The following PRIM2 variants were observed in gnomAD, a reference collection of about 807,000 sequenced individuals.
PRIM2 encodes DNA primase large subunit.
PRIM2 carries 39 observed loss-of-function variants against 67.3 expected under a neutral mutation model. The ratio of observed to expected loss-of-function variants is 0.58; its 90% CI spans 0.45 to 0.76. The LOEUF (loss-of-function observed/expected upper bound fraction) is 0.76. Ranked by LOEUF, PRIM2 falls within the 30% of genes least tolerant of loss-of-function variation. The pLI, the probability that PRIM2 is intolerant of heterozygous loss-of-function variation, is 0.00. For synonymous variants in PRIM2, 143 were observed against 198.7 expected (o/e 0.72, Z 2.36); for missense variants, 398 against 598.7 (o/e 0.66, Z 3.50).
At position 57,368,401 on chromosome 6, in the gene PRIM2, TAAG is replaced by T. The variant is rs1769439167; in HGVS notation, c.460-11497_460-11495del. Among the ~76,000 whole-genome samples the T allele has an allele frequency of 3.9e-5, 6 of 152,334 alleles. No individual in the cohort carries two copies. The South Asian group carries it at 1.2e-3, about 32-fold the overall frequency. ...ACATACTTACTTAATGACCAGGGTCTAAGAAAGCTCTGTAGATTCAAATAGAAA... is the reference window on the plus strand; with the variant it reads ...ACATACTTACTTAATGACCAGGGTCTAAAGCTCTGTAGATTCAAATAGAAA... On this transcript the variant is annotated intron_variant, in intron 5 of 13. Transcript: ENST00000615550.
the PRIM2 span, among the ~76,000 whole-genome samples, chr6:57,279,281 T>G: frequency 6.6e-6 from 1 of 152,190 alleles, no homozygotes; most frequent in Non-Finnish European, 1.5e-5. Context: ...GCTTTTTTCT[T>G]TTTTTAACTT....
intron 5 of PRIM2, among the ~76,000 whole-genome samples, chr6:57,336,708 A>G (rs531656993): frequency 1.1e-4 from 17 of 152,308 alleles, no homozygotes; most frequent in Non-Finnish European, 1.3e-4. Flanking sequence ...TCCTGAAGGA[A>G]GTGCTAAACA....
At chr6:57,384,587 T>C (rs1025560494) in intron 7 of PRIM2, among the ~76,000 whole-genome samples, 4 of 152,190 alleles carry the variant, frequency 2.6e-5, no homozygotes, top group African/African-American at 9.7e-5. Flanking sequence ...GCAGCTATTG[T>C]GGTTTAAGGG....
intron 7 of PRIM2, among the ~76,000 whole-genome samples, chr6:57,453,931 G>T (rs1440833312): frequency 2.6e-5 from 4 of 152,062 alleles, no homozygotes; most frequent in Non-Finnish European, 4.4e-5. Flanking sequence ...GTTTGTCATA[G>T]ATAGCTCTTA....
intron 5 of PRIM2, among the ~76,000 whole-genome samples, chr6:57,367,785 T>A (rs1246408146): frequency 6.6e-6 from 1 of 152,242 alleles, no homozygotes; most frequent in Non-Finnish European, 1.5e-5. Flanking sequence ...TTGGACTTCT[T>A]ACTTCATGAT....
At chr6:57,541,929 G>A (rs1278103130) in intron 10 of PRIM2, among the ~76,000 whole-genome samples, 4 of 151,390 alleles carry the variant, frequency 2.6e-5, no homozygotes, top group African/African-American at 9.7e-5. Flanking sequence ...AAATGTCTGG[G>A]CATCTCATGG....
At chr6:57,604,058 G>A (rs1228160784) in intron 11 of PRIM2, among the ~76,000 whole-genome samples, 50 of 152,264 alleles carry the variant, frequency 3.3e-4, no homozygotes, top group African/African-American at 1.1e-3. Context: ...TGTAATCCCA[G>A]CACTTTGGGA....
chr6:57,616,576 T>C (rs1776761397), intron 12 of PRIM2, among the ~76,000 whole-genome samples: 1 of 152,160 alleles, frequency 6.6e-6, no homozygotes, highest in South Asian at 2.1e-4. Context: ...AAATGTGAAA[T>C]AAAGATGAGA....
At chr6:57,286,506 GA>G in the PRIM2 span, among the ~76,000 whole-genome samples, 1 of 152,152 alleles carries the variant, frequency 6.6e-6, no homozygotes, top group South Asian at 2.1e-4. Flanking sequence ...AAACAATGGG[GA>G]AAAGATTCCC....
rs1185731389 is a variant in PRIM2 at position 57,513,163 on chromosome 6, G to A, written c.761+5709G>A. Among the ~76,000 whole-genome samples, 17 of 151,132 alleles carry A rather than the reference G, an allele frequency of 1.1e-4. 1 individual carries two copies. Among genetic ancestry groups the A allele is most frequent in the Non-Finnish European group, 1.8e-4 (12 of 67,846 alleles). On this transcript the variant is annotated intron_variant, in intron 8 of 13. Transcript: ENST00000615550. ...GCCTGCATCTCATTGTGGCTTTACT[G>A]TCATTATCATGGTTATATATCACTG...
chr6:57,274,943 A>ATTTTTTTTTTTTTTTTT, the PRIM2 span, among the ~76,000 whole-genome samples: 5 of 137,388 alleles, frequency 3.6e-5, no homozygotes, highest in African/African-American at 1.4e-4. Flanking sequence ...CACCTGGCTA[A>ATTTTTTTTTTTTTTTTT]TTTTTTTTTT....
the PRIM2 span, among the ~76,000 whole-genome samples, chr6:57,235,138 G>A: frequency 9.2e-5 from 14 of 151,922 alleles, no homozygotes; most frequent in African/African-American, 2.4e-4. Flanking sequence ...GTGACAGAAT[G>A]AGACCCTTCT....
chr6:57,310,657 C>G (rs1767363429), upstream of PRIM2, among the ~76,000 whole-genome samples: 1 of 151,708 alleles, frequency 6.6e-6, no homozygotes, highest in Non-Finnish European at 1.5e-5. Flanking sequence ...CAGAGGCGCT[C>G]CTCACCTCCC....
chr6:57,637,310 C>CA (rs1295777351), intron 13 of PRIM2, among the ~76,000 whole-genome samples: 1 of 152,078 alleles, frequency 6.6e-6, no homozygotes, highest in Non-Finnish European at 1.5e-5. Flanking sequence ...GAAACCAGCG[C>CA]AAAAAGGCTG....
the PRIM2 span, among the ~76,000 whole-genome samples, chr6:57,291,284 C>T: frequency 6.6e-6 from 1 of 152,152 alleles, no homozygotes; most frequent in African/African-American, 2.4e-5. Context: ...CATACACCCT[C>T]CCAAGACTAA....
chr6:57,463,380 T>C (rs1031628286), intron 7 of PRIM2, among the ~76,000 whole-genome samples: 2 of 152,174 alleles, frequency 1.3e-5, no homozygotes, highest in Admixed American at 6.6e-5. Flanking sequence ...TTGTCCTAGC[T>C]ACTCAGGTGG....
chr6:57,617,802 T>A (rs1470831250), intron 12 of PRIM2, among the ~76,000 whole-genome samples: 1 of 152,222 alleles, frequency 6.6e-6, no homozygotes, highest in Non-Finnish European at 1.5e-5. Context: ...AGTGTCATAA[T>A]TATCTATAGT....
chr6:57,242,895 G>T, the PRIM2 span, among the ~76,000 whole-genome samples: 1 of 152,188 alleles, frequency 6.6e-6, no homozygotes, highest in African/African-American at 2.4e-5. Context: ...TGGAAAAGAA[G>T]AATTTTCTAG....
In PRIM2 at chr6:57,556,775, A is replaced by G. The variant is rs1460913072; in HGVS notation, c.1020+19150A>G. Among the ~76,000 whole-genome samples, 78 of 152,362 alleles carry G rather than the reference A, an allele frequency of 5.1e-4. 1 individual carries two copies. Among genetic ancestry groups the G allele is most frequent in the African/African-American group, 1.8e-3 (76 of 41,590 alleles). On this transcript the variant is annotated intron_variant, in intron 10 of 13. Coordinates refer to ENST00000615550, the MANE Select transcript of PRIM2 (RefSeq NM_000947.5). ...CCAGAAGCAATTGCAACAAAAGCAA[A>G]TAGGATCTAATTAAACTTAAGAGCT... is the stretch of plus-strand genomic sequence containing the variant.
Sources: gnomAD v4.1 joint callset for allele counts (sites outside exome capture counted in the v4.1 genomes callset) on GRCh38, gnomAD v4.1.1 for gene constraint, MANE v1.5 for transcripts, NCBI Gene and HGNC (gene_info 2026-07-23, HGNC 2026-07-21) for gene names.